ADAMTS3: variants seen among roughly 807,000 people sequenced by gnomAD.
ADAMTS3 encodes ADAM metallopeptidase with thrombospondin type 1 motif 3, also known as A disintegrin and metalloproteinase with thrombospondin motifs 3.
In ADAMTS3, 73 loss-of-function variants were observed where a neutral mutation model predicts 129.0. That is an observed-to-expected ratio of 0.57 (90% CI 0.47 to 0.69). The LOEUF is 0.69. ADAMTS3 is among the 30% of genes least tolerant of loss of function. The probability of loss-of-function intolerance (pLI) is 0.00; values close to 1 mark genes in which losing one functional copy is unlikely to be tolerated. For missense variants in ADAMTS3, 1,457 were observed against 1,514.5 expected (o/e 0.96, Z 0.63); for synonymous variants, 477 against 510.8 (o/e 0.93, Z 0.89).
chr4:72,446,879 A>T (rs1336743338), intron 3 of ADAMTS3, among the ~76,000 whole-genome samples: 1 of 151,600 alleles, frequency 6.6e-6, no homozygotes, highest in Non-Finnish European at 1.5e-5. Flanking sequence ...ACTTGCCCAT[A>T]ACCTCCTCCC....
chr4:72,406,731 C>T (rs939342859), intron 4 of ADAMTS3, among the ~76,000 whole-genome samples: 1 of 152,110 alleles, frequency 6.6e-6, no homozygotes, highest in Non-Finnish European at 1.5e-5. Context: ...ATGACAAATC[C>T]AAATAAAGTA....
At chr4:72,379,149 C>T (rs1012948651) in intron 4 of ADAMTS3, among the ~76,000 whole-genome samples, 1 of 152,036 alleles carries the variant, frequency 6.6e-6, no homozygotes, top group African/African-American at 2.4e-5. Context: ...TTTTTGATAT[C>T]CCAGCATATT....
chr4:72,311,074 T>G lies in ADAMTS3; in HGVS notation c.2029A>C (p.Ser677Arg). 1 of 1,610,666 alleles carries G rather than the reference T, an allele frequency of 6.2e-7. No homozygotes were observed. Among genetic ancestry groups the G allele is most frequent in the African/African-American group, 1.3e-5 (1 of 74,888 alleles). The change falls in exon 14 of 22, where the codon AGC becomes CGC. Residue 677 changes from serine to arginine, a missense_variant. Physicochemically the swap from Ser to Arg is moderately radical, Grantham distance 110. Transcript: ENST00000286657. ...GTHCSYKDPYSICVRGECVKV... is the reference protein window; with the variant it reads ...GTHCSYKDPYRICVRGECVKV... ...ACACACTCTCCTCGCACACATATGC[T>G]ATATGGATCTTTGTAAGAACAGTGC...
intron 10 of ADAMTS3, among the ~76,000 whole-genome samples, chr4:72,317,252 T>C (rs1719422243): frequency 6.6e-6 from 1 of 152,206 alleles, no homozygotes; most frequent in Non-Finnish European, 1.5e-5. Context: ...AATGTGGAAA[T>C]TCCACTTTTC....
intron 2 of ADAMTS3, among the ~76,000 whole-genome samples, chr4:72,565,123 A>T (rs545101629): frequency 6.6e-6 from 1 of 152,226 alleles, no homozygotes; most frequent in Non-Finnish European, 1.5e-5. Flanking sequence ...ACACTTCAGT[A>T]GAAAGTATTT....
At chr4:72,523,449 A>G (rs1434606471) in intron 3 of ADAMTS3, among the ~76,000 whole-genome samples, 1 of 152,110 alleles carries the variant, frequency 6.6e-6, no homozygotes, top group Non-Finnish European at 1.5e-5. Flanking sequence ...ACCAAACAGT[A>G]TAACTGTATG....
Position 72,335,896 on chromosome 4 carries a change from C to T in ADAMTS3, c.861+3598G>A, listed in dbSNP as rs574811573. Among the ~76,000 whole-genome samples the T allele has an allele frequency of 8.3e-4, 127 of 152,200 alleles. 1 individual carries two copies. The highest frequency in any genetic ancestry group is 3.0e-3 in the African/African-American group (124 of 41,538). On this transcript the variant is annotated intron_variant, in intron 5 of 21. Coordinates refer to ENST00000286657, the MANE Select transcript of ADAMTS3 (RefSeq NM_014243.3). Reference sequence around the variant, plus strand: ...GATCTACCTCTACATTATTTATATTCATTTGTTCTTCTTTCATTAAATATA... The same window carrying T: ...GATCTACCTCTACATTATTTATATTTATTTGTTCTTCTTTCATTAAATATA...
intron 2 of ADAMTS3, among the ~76,000 whole-genome samples, chr4:72,566,497 C>A (rs1244275342): frequency 6.6e-6 from 1 of 152,220 alleles, no homozygotes; most frequent in African/African-American, 2.4e-5. Flanking sequence ...ATGTTTGCAG[C>A]AGCAGTTATA....
intron 4 of ADAMTS3, among the ~76,000 whole-genome samples, chr4:72,372,347 T>G (rs1050715858): frequency 1.3e-5 from 2 of 152,042 alleles, no homozygotes; most frequent in Admixed American, 1.3e-4. Flanking sequence ...CTATAAAGAT[T>G]GATGAGAAAT....
chr4:72,408,730 A>C (rs1186631159), intron 4 of ADAMTS3, among the ~76,000 whole-genome samples: 1 of 152,086 alleles, frequency 6.6e-6, no homozygotes, highest in East Asian at 1.9e-4. Flanking sequence ...ACAGGCTTTA[A>C]AATGTGGTTA....
At chr4:72,392,714 C>A (rs998476548) in intron 4 of ADAMTS3, among the ~76,000 whole-genome samples, 6 of 151,838 alleles carry the variant, frequency 4.0e-5, no homozygotes, top group Non-Finnish European at 8.8e-5. Flanking sequence ...AGAAGAGAAG[C>A]CAAGGGGATA....
chr4:72,334,932 T>C (rs531952783), intron 5 of ADAMTS3, among the ~76,000 whole-genome samples: 1 of 152,106 alleles, frequency 6.6e-6, no homozygotes. Context: ...AAAAAGCAGA[T>C]GAAAGACATC....
intron 4 of ADAMTS3, among the ~76,000 whole-genome samples, chr4:72,358,330 A>G (rs1720634360): frequency 1.3e-5 from 2 of 151,998 alleles, no homozygotes; most frequent in Non-Finnish European, 2.9e-5. Context: ...TGCCTGCTAC[A>G]CTTTTGTGCA....
intron 3 of ADAMTS3, among the ~76,000 whole-genome samples, chr4:72,474,748 C>CG (rs1163569482): frequency 6.6e-6 from 1 of 152,060 alleles, no homozygotes; most frequent in Non-Finnish European, 1.5e-5. Context: ...AATTCTAGGC[C>CG]GGGCGCTGTG....
At chr4:72,478,671 G>T (rs1418250738) in intron 3 of ADAMTS3, among the ~76,000 whole-genome samples, 7 of 150,466 alleles carry the variant, frequency 4.7e-5, no homozygotes, top group East Asian at 2.0e-4. Context: ...CTATTCAACA[G>T]AGTGTTGGAA....
At chr4:72,432,143 A>G (rs1306029027) in intron 3 of ADAMTS3, among the ~76,000 whole-genome samples, 4 of 151,942 alleles carry the variant, frequency 2.6e-5, no homozygotes, top group African/African-American at 9.7e-5. Flanking sequence ...TCCTAGGTAC[A>G]TAGGAGAACT....
intron 3 of ADAMTS3, among the ~76,000 whole-genome samples, chr4:72,527,611 A>C (rs1720848847): frequency 6.6e-6 from 1 of 152,174 alleles, no homozygotes; most frequent in Non-Finnish European, 1.5e-5. Context: ...GTCACAGAAA[A>C]ATAAAAGAAT....
intron 3 of ADAMTS3, among the ~76,000 whole-genome samples, chr4:72,488,779 C>CT (rs1719656199): frequency 6.6e-6 from 1 of 151,710 alleles, no homozygotes; most frequent in Non-Finnish European, 1.5e-5. Context: ...AATATTTTTT[C>CT]TTTATTTTCG....
chr4:72,289,166 A>G (rs547814370), intron 20 of ADAMTS3, among the ~76,000 whole-genome samples: 1 of 152,320 alleles, frequency 6.6e-6, no homozygotes, highest in African/African-American at 2.4e-5. Flanking sequence ...TTTTAGGACT[A>G]AATGAAGGCA....
Sources: allele counts gnomAD v4.1 joint callset (sites outside exome capture counted in the v4.1 genomes callset), GRCh38; gene constraint gnomAD v4.1.1; transcripts MANE v1.5; gene names NCBI Gene and HGNC (gene_info 2026-07-23, HGNC 2026-07-21).